The following NRG1 variants were observed in gnomAD, a reference collection of about 807,000 sequenced individuals.
The protein encoded by NRG1 is neuregulin 1, also known as pro-neuregulin-1, membrane-bound isoform.
A neutral mutation model predicts 63.8 loss-of-function variants in NRG1; 18 were observed. The ratio of observed to expected loss-of-function variants is 0.28; its 90% CI spans 0.19 to 0.42. The LOEUF (loss-of-function observed/expected upper bound fraction) is 0.42, where lower values mean the gene tolerates loss of function less well. Ranked by LOEUF, NRG1 falls within the 10% of genes least tolerant of loss-of-function variation. NRG1 has a pLI of 1.00. For synonymous variants in NRG1, 302 were observed against 301.3 expected (o/e 1.00, Z -0.02); for missense variants, 762 against 814.7 (o/e 0.94, Z 0.79).
intron 5 of NRG1, among the ~76,000 whole-genome samples, chr8:32,703,450 G>A (rs184860594): frequency 0.012 from 1,637 of 139,940 alleles, 16 homozygotes; most frequent in Middle Eastern, 0.06. Flanking sequence ...ATGGAGTCTC[G>A]CTGTGTCGCT....
chr8:31,907,490 A>T (rs1016803462), intron 1 of NRG1, among the ~76,000 whole-genome samples: 1 of 151,904 alleles, frequency 6.6e-6, no homozygotes, highest in African/African-American at 2.4e-5. Flanking sequence ...CTTGGCTCTG[A>T]TACCCCTCCC....
At chr8:32,058,526 C>T (rs1033832105) in intron 1 of NRG1, among the ~76,000 whole-genome samples, 1 of 151,996 alleles carries the variant, frequency 6.6e-6, no homozygotes, top group Non-Finnish European at 1.5e-5. Context: ...GCTCTATTTT[C>T]CTCAGTGGCA....
chr8:32,303,183 C>CAAAAAAAAAAAAAAAAAAAAAAAAAAGAA (rs1563291349), intron 1 of NRG1, among the ~76,000 whole-genome samples: 1 of 59,708 alleles, frequency 1.7e-5, no homozygotes, highest in Non-Finnish European at 2.9e-5. Flanking sequence ...AACTCAGTCT[C>CAAAAAAAAAAAAAAAAAAAAAAAAAAGAA]CAAAAAAAAA....
intron 1 of NRG1, among the ~76,000 whole-genome samples, chr8:32,060,906 G>A (rs374194230): frequency 5.3e-5 from 8 of 151,868 alleles, no homozygotes; most frequent in Non-Finnish European, 7.4e-5. Flanking sequence ...GAGTCAAAAA[G>A]TGTGCTAAGA....
At chr8:32,192,211 C>G (rs10093657) in intron 1 of NRG1, 71,958 of 152,036 alleles carry the variant, frequency 0.47, 18,684 homozygotes, top group Admixed American at 0.59. Flanking sequence ...TAACACAGAA[C>G]AAGCATTCAA....
At chr8:32,202,321 C>T (rs1843576667) in intron 1 of NRG1, among the ~76,000 whole-genome samples, 1 of 152,086 alleles carries the variant, frequency 6.6e-6, no homozygotes, top group Non-Finnish European at 1.5e-5. Context: ...GGACTTGTGA[C>T]AGGGGTGTCT....
intron 1 of NRG1, among the ~76,000 whole-genome samples, chr8:31,924,408 A>G (rs1291183542): frequency 6.6e-6 from 1 of 151,992 alleles, no homozygotes; most frequent in Non-Finnish European, 1.5e-5. Flanking sequence ...ATTGACATAA[A>G]GTTACTGTTC....
intron 1 of NRG1, among the ~76,000 whole-genome samples, chr8:31,852,917 T>C (rs1313245159): frequency 1.3e-5 from 2 of 152,066 alleles, no homozygotes; most frequent in East Asian, 3.9e-4. Context: ...GATCAGATAG[T>C]TGTAGATATG....
At chr8:31,869,411 C>T (rs886190984) in intron 1 of NRG1, among the ~76,000 whole-genome samples, 1 of 152,160 alleles carries the variant, frequency 6.6e-6, no homozygotes, top group African/African-American at 2.4e-5. Context: ...GGTTCAGAGT[C>T]ATCTCTGATG....
rs181045745 is a variant in NRG1 at position 31,903,796 on chromosome 8, A to C, written c.37+264365A>C. 5.0e-4 allele frequency among the ~76,000 whole-genome samples: 76 copies of C among 152,092 alleles called. 1 individual carries two copies. The highest frequency in any genetic ancestry group is 1.6e-3 in the African/African-American group (66 of 41,526). On this transcript the variant is annotated intron_variant, in intron 1 of 10. Coordinates refer to the NRG1 transcript ENST00000519301. ...ATAGGGAAACCCCGTTTCTACTAAA[A>C]ATACAAAAATTAGCCAGGCGTGGTG...
At chr8:31,675,609 A>G (rs749394288) in intron 1 of NRG1, among the ~76,000 whole-genome samples, 1 of 152,190 alleles carries the variant, frequency 6.6e-6, no homozygotes, top group Non-Finnish European at 1.5e-5. Context: ...TTGGGCCTAG[A>G]AGGCATCTCT....
intron 1 of NRG1, among the ~76,000 whole-genome samples, chr8:31,974,646 G>T (rs1807862849): frequency 6.6e-6 from 1 of 152,134 alleles, no homozygotes; most frequent in Non-Finnish European, 1.5e-5. Flanking sequence ...GTTTACATGG[G>T]CCTTCCACTT....
At chr8:31,888,444 C>A (rs1037445499) in intron 1 of NRG1, among the ~76,000 whole-genome samples, 1 of 151,842 alleles carries the variant, frequency 6.6e-6, no homozygotes, top group Non-Finnish European at 1.5e-5. Context: ...CTTTTCTTGA[C>A]TGAAAAGAAA....
chr8:32,482,398 T>TGTGTGTGTGTGTG (rs1825407330), intron 1 of NRG1, among the ~76,000 whole-genome samples: 1 of 148,220 alleles, frequency 6.7e-6, no homozygotes, highest in Non-Finnish European at 1.5e-5. Context: ...CTTTCTACTT[T>TGTGTGTGTGTGTG]TGTGTGTGTG....
intron 1 of NRG1, among the ~76,000 whole-genome samples, chr8:32,152,383 G>T (rs571085719): frequency 2.6e-5 from 4 of 152,122 alleles, no homozygotes; most frequent in Admixed American, 2.6e-4. Context: ...AACATGTCTA[G>T]AGTTATATGT....
At chr8:31,858,096 G>A (rs912728951) in intron 1 of NRG1, among the ~76,000 whole-genome samples, 4 of 152,096 alleles carry the variant, frequency 2.6e-5, no homozygotes, top group African/African-American at 7.2e-5. Context: ...TCAGGAGATC[G>A]AGATCATCCT....
intron 1 of NRG1, among the ~76,000 whole-genome samples, chr8:31,992,991 T>C (rs1043188444): frequency 6.6e-6 from 1 of 152,006 alleles, no homozygotes; most frequent in Non-Finnish European, 1.5e-5. Context: ...CTAACAAATA[T>C]TTATCAAGGC....
intron 1 of NRG1, among the ~76,000 whole-genome samples, chr8:32,477,801 CT>C (rs1824714271): frequency 6.6e-6 from 1 of 152,140 alleles, no homozygotes; most frequent in Non-Finnish European, 1.5e-5. Flanking sequence ...AATATCTGTT[CT>C]TTGGTCTCTC....
intron 1 of NRG1, among the ~76,000 whole-genome samples, chr8:32,037,612 C>G (rs1160953383): frequency 1.3e-5 from 2 of 152,222 alleles, no homozygotes; most frequent in Admixed American, 6.5e-5. Flanking sequence ...TGTTCATAAA[C>G]CCCTGGCTAG....
Sources: gnomAD v4.1 joint callset for allele counts (sites outside exome capture counted in the v4.1 genomes callset) on GRCh38, gnomAD v4.1.1 for gene constraint, MANE v1.5 for transcripts, NCBI Gene and HGNC (gene_info 2026-07-23, HGNC 2026-07-21) for gene names.